RBFOX1: variants seen among roughly 807,000 people sequenced by gnomAD.
The protein encoded by RBFOX1 is RNA binding fox-1 homolog 1, also known as RNA binding protein fox-1 homolog 1.
A neutral mutation model predicts 57.7 loss-of-function variants in RBFOX1; 8 were observed. The ratio of observed to expected loss-of-function variants is 0.14; its 90% CI spans 0.08 to 0.25. The LOEUF is 0.25. Ranked by LOEUF, RBFOX1 falls within the 10% of genes least tolerant of loss-of-function variation. The probability of loss-of-function intolerance (pLI) is 1.00; values close to 1 mark genes in which losing one functional copy is unlikely to be tolerated. For synonymous variants in RBFOX1, 326 were observed against 222.4 expected (o/e 1.47, Z -4.15); for missense variants, 611 against 548.5 (o/e 1.11, Z -1.14).
intron 4 of RBFOX1, among the ~76,000 whole-genome samples, chr16:7,130,121 C>G (rs1027164633): frequency 6.6e-6 from 1 of 151,450 alleles, no homozygotes; most frequent in East Asian, 1.9e-4. Context: ...CAACCTCTGC[C>G]TCCTGGGTTC....
At chr16:7,586,360 G>A (rs538176851) in intron 6 of RBFOX1, among the ~76,000 whole-genome samples, 179 of 152,252 alleles carry the variant, frequency 1.2e-3, no homozygotes, top group African/African-American at 4.2e-3. Context: ...TAGTTCTAGA[G>A]CCCATACTTC....
intron 1 of RBFOX1, among the ~76,000 whole-genome samples, chr16:5,325,219 C>G (rs745406008): frequency 1.3e-5 from 2 of 152,052 alleles, no homozygotes; most frequent in Non-Finnish European, 2.9e-5. Context: ...CTTCCCTCTT[C>G]TTGTCTCCTC....
At chr16:6,437,560 G>T (rs190756464) in intron 2 of RBFOX1, among the ~76,000 whole-genome samples, 34 of 152,252 alleles carry the variant, frequency 2.2e-4, no homozygotes, top group Middle Eastern at 3.4e-3. Flanking sequence ...CTAATAGATG[G>T]TGTGTGTATT....
chr16:5,872,271 G>A (rs190614682), intron 4 of RBFOX1, among the ~76,000 whole-genome samples: 27 of 152,340 alleles, frequency 1.8e-4, no homozygotes, highest in Non-Finnish European at 2.5e-4. Context: ...AGTGGAAAGA[G>A]CAAGAGTTTT....
intron 3 of RBFOX1, among the ~76,000 whole-genome samples, chr16:6,707,399 G>C (rs924304187): frequency 6.6e-6 from 1 of 150,602 alleles, no homozygotes; most frequent in South Asian, 2.1e-4. Context: ...GAAATCATAC[G>C]TTAACAGCTC....
intron 4 of RBFOX1, among the ~76,000 whole-genome samples, chr16:5,990,776 C>G (rs1181397687): frequency 1.3e-5 from 2 of 152,112 alleles, no homozygotes; most frequent in African/African-American, 4.8e-5. Flanking sequence ...AAGACCAGCC[C>G]CAGCCTGGCC....
At chr16:6,036,998 G>A (rs1278772688) in intron 1 of RBFOX1, among the ~76,000 whole-genome samples, 1 of 152,166 alleles carries the variant, frequency 6.6e-6, no homozygotes, top group African/African-American at 2.4e-5. Context: ...GACTGTGTGT[G>A]TTGGAGGTGG....
chr16:7,269,777 A>T (rs191938402), intron 4 of RBFOX1, among the ~76,000 whole-genome samples: 14 of 152,338 alleles, frequency 9.2e-5, no homozygotes, highest in Admixed American at 2.6e-4. Context: ...AATGCTAAAA[A>T]GTATTGTGTC....
intron 4 of RBFOX1, among the ~76,000 whole-genome samples, chr16:7,376,881 G>C (rs1445586096): frequency 6.6e-6 from 1 of 152,066 alleles, no homozygotes; most frequent in Admixed American, 6.6e-5. Flanking sequence ...CCCTACCAGT[G>C]TCTGGATTTC....
intron 2 of RBFOX1, among the ~76,000 whole-genome samples, chr16:5,501,671 G>A (rs1246176042): frequency 2.0e-5 from 3 of 152,128 alleles, no homozygotes; most frequent in African/African-American, 7.2e-5. Context: ...TCCAAACACA[G>A]TTCATGGTGT....
At chr16:6,514,649 C>T (rs1457226163) in intron 2 of RBFOX1, among the ~76,000 whole-genome samples, 1 of 152,104 alleles carries the variant, frequency 6.6e-6, no homozygotes, top group Non-Finnish European at 1.5e-5. Context: ...GTGTCTCATC[C>T]ATCTCTAACA....
At chr16:5,270,485 C>T (rs1596351178) in intron 1 of RBFOX1, 3 of 713,240 alleles carry the variant, frequency 4.2e-6, no homozygotes, top group East Asian at 5.2e-5. Context: ...TGGCATGGGT[C>T]TTACCTGTGA....
chr16:7,652,185 G>C (rs1006746651), intron 11 of RBFOX1, among the ~76,000 whole-genome samples: 3 of 152,120 alleles, frequency 2.0e-5, no homozygotes, highest in African/African-American at 7.2e-5. Flanking sequence ...GAGAGTCAGA[G>C]AAGCCAACTG....
At chr16:7,478,210 T>A (rs1392517556) in intron 4 of RBFOX1, among the ~76,000 whole-genome samples, 1 of 152,230 alleles carries the variant, frequency 6.6e-6, no homozygotes, top group Non-Finnish European at 1.5e-5. Flanking sequence ...TAGAAAATGT[T>A]GCTACCTTCA....
rs113150645 is a variant in RBFOX1, at chr16:5,903,863, C to T, written c.351+36528C>T. 5.6e-3 allele frequency among the ~76,000 whole-genome samples: 850 copies of T among 152,230 alleles called. 11 individuals carry two copies. The highest frequency in any genetic ancestry group is 0.02 in the African/African-American group (814 of 41,536). ...ACCATAGGAAAGCAGATGCGGGGGC[C>T]TTGGTTGGTGCAAGCCCTGCATGTG... On this transcript the variant is annotated intron_variant, in intron 4 of 19. Transcript: ENST00000641259.
At chr16:7,005,630 G>C (rs1171245943) in intron 3 of RBFOX1, among the ~76,000 whole-genome samples, 1 of 152,174 alleles carries the variant, frequency 6.6e-6, no homozygotes, top group Non-Finnish European at 1.5e-5. Flanking sequence ...CTCACAGATA[G>C]ACTTTGGTGT....
chr16:7,708,852 T>C (rs559176002), intron 14 of RBFOX1, among the ~76,000 whole-genome samples: 5 of 151,970 alleles, frequency 3.3e-5, no homozygotes, highest in African/African-American at 7.2e-5. Context: ...CTGTCAAACA[T>C]AGCAATAGCA....
At chr16:6,542,133 C>G (rs2096829282) in intron 2 of RBFOX1, among the ~76,000 whole-genome samples, 1 of 152,002 alleles carries the variant, frequency 6.6e-6, no homozygotes, top group Non-Finnish European at 1.5e-5. Context: ...GCTATGTTGC[C>G]CAGCCTCGTC....
Position 7,519,659 on chromosome 16 carries a change from A to G in RBFOX1, c.270+1270A>G, listed in dbSNP as rs546676223. ...GCATTTGGGAACCTTTTTCTGCAGA[A>G]TTCTTTAGAAGCTTGGGAACCCCAA... On this transcript the variant is annotated intron_variant, in intron 5 of 15. Transcript: ENST00000550418. 4.1e-6 allele frequency: 4 copies of G among 984,162 alleles called. No individual in the cohort carries two copies. The East Asian group carries it at 4.5e-4, about 112-fold the overall frequency. The allele number at this position is 984,162 out of a possible 1,614,324, so 61.0% of individuals were successfully genotyped here.
Sources: allele counts gnomAD v4.1 joint callset (sites outside exome capture counted in the v4.1 genomes callset), GRCh38; gene constraint gnomAD v4.1.1; transcripts MANE v1.5; gene names NCBI Gene and HGNC (gene_info 2026-07-23, HGNC 2026-07-21).